DPYD: variants seen among roughly 807,000 people sequenced by gnomAD.
DPYD encodes dihydropyrimidine dehydrogenase [NADP(+)].
DPYD carries 109 observed loss-of-function variants against 116.2 expected under a neutral mutation model. That is an observed-to-expected ratio of 0.94 (90% CI 0.80 to 1.10). The LOEUF is 1.10. DPYD is among the 50% of genes least tolerant of loss of function. DPYD has a pLI of 0.00. For missense variants in DPYD, 1,302 were observed against 1,254.5 expected (o/e 1.04, Z -0.57); for synonymous variants, 440 against 432.0 (o/e 1.02, Z -0.23).
chr1:97,518,499 T>C (rs527265587), intron 12 of DPYD, among the ~76,000 whole-genome samples: 1 of 152,244 alleles, frequency 6.6e-6, no homozygotes, highest in Non-Finnish European at 1.5e-5. Flanking sequence ...GCATATCTAC[T>C]TTCAGCTCCC....
chr1:97,127,818 C>T (rs1035248688), intron 20 of DPYD, among the ~76,000 whole-genome samples: 6 of 152,044 alleles, frequency 3.9e-5, no homozygotes, highest in South Asian at 2.1e-4. Context: ...TTTTGAAACA[C>T]CAACTCATGG....
chr1:97,509,920 C>T (rs1004997296), intron 13 of DPYD, among the ~76,000 whole-genome samples: 2 of 151,766 alleles, frequency 1.3e-5, no homozygotes, highest in Non-Finnish European at 2.9e-5. Flanking sequence ...TCAATTTAGT[C>T]CTTAATAGAT....
intron 18 of DPYD, among the ~76,000 whole-genome samples, chr1:97,239,397 C>A (rs1343332171): frequency 1.3e-5 from 2 of 151,960 alleles, no homozygotes; most frequent in Admixed American, 1.3e-4. Context: ...TGTATTATGA[C>A]AATCAGGTTC....
intron 20 of DPYD, among the ~76,000 whole-genome samples, chr1:97,106,712 G>C (rs780329518): frequency 1.3e-5 from 2 of 152,116 alleles, no homozygotes; most frequent in African/African-American, 4.8e-5. Flanking sequence ...TCAGAGTCAG[G>C]CTGAATTACA....
rs186849155 is a variant in DPYD at position 97,438,165 on chromosome 1, G to A, written c.1905+11894C>T. On this transcript the variant is annotated intron_variant, in intron 14 of 22. Coordinates refer to ENST00000370192, the MANE Select transcript of DPYD (RefSeq NM_000110.4). The stretch of plus-strand genomic sequence containing the variant: ...CATAGCTCGGTATCAGAAAGTTTTA[G>A]ACTTCCAACTTTGTTCTTTATCAAT... 5.0e-3 allele frequency among the ~76,000 whole-genome samples: 755 copies of A among 152,072 alleles called. 13 individuals carry two copies. The highest frequency in any genetic ancestry group is 0.029 in the Admixed American group (440 of 15,290).
intron 20 of DPYD, among the ~76,000 whole-genome samples, chr1:97,152,861 T>C (rs1390894463): frequency 1.3e-5 from 2 of 152,240 alleles, no homozygotes; most frequent in East Asian, 3.9e-4. Flanking sequence ...GAATTTTAAA[T>C]ATAACTTGTC....
intron 1 of DPYD, among the ~76,000 whole-genome samples, chr1:97,915,752 G>T (rs1490933744): frequency 6.6e-6 from 1 of 152,086 alleles, no homozygotes; most frequent in Non-Finnish European, 1.5e-5. Flanking sequence ...AGGACTGAAG[G>T]GCTCTGCAAC....
intron 1 of DPYD, among the ~76,000 whole-genome samples, chr1:97,902,392 A>G (rs1400802710): frequency 1.3e-5 from 2 of 151,940 alleles, no homozygotes; most frequent in East Asian, 3.9e-4. Context: ...GTAGCATAAG[A>G]GCAAGAATTA....
At chr1:97,840,267 T>C (rs771559706) in intron 2 of DPYD, among the ~76,000 whole-genome samples, 1 of 152,004 alleles carries the variant, frequency 6.6e-6, no homozygotes, top group East Asian at 1.9e-4. Flanking sequence ...CAGAACACCC[T>C]CTCCCTTAAT....
At chr1:97,435,955 T>A (rs765569460) in intron 14 of DPYD, among the ~76,000 whole-genome samples, 3 of 152,022 alleles carry the variant, frequency 2.0e-5, no homozygotes, top group African/African-American at 2.4e-5. Flanking sequence ...TTGTAGCATA[T>A]TCTGCTAAAT....
At chr1:97,404,608 C>T (rs1673548176) in intron 14 of DPYD, among the ~76,000 whole-genome samples, 1 of 152,032 alleles carries the variant, frequency 6.6e-6, no homozygotes, top group African/African-American at 2.4e-5. Flanking sequence ...TATGGCTACT[C>T]CTGCTATCTT....
At chr1:97,194,578 C>T (rs1314704157) in intron 19 of DPYD, among the ~76,000 whole-genome samples, 1 of 152,062 alleles carries the variant, frequency 6.6e-6, no homozygotes, top group Admixed American at 6.6e-5. Flanking sequence ...GATCTCGGCT[C>T]ACTGTGACCT....
chr1:97,092,057 C>T lies in DPYD; in HGVS notation c.2766+6432G>A, dbSNP rs72724369. On this transcript the variant is annotated intron_variant, in intron 21 of 22. Coordinates refer to ENST00000370192, the MANE Select transcript of DPYD (RefSeq NM_000110.4). ...CTTTTTTAGGTGTTTGCCCATATGCCATTAAACAGGCAGGTGTTCCCTGGC... is the reference window on the plus strand; with the variant it reads ...CTTTTTTAGGTGTTTGCCCATATGCTATTAAACAGGCAGGTGTTCCCTGGC... Among the ~76,000 whole-genome samples the T allele has an allele frequency of 9.2e-3, 1,395 of 152,244 alleles. 12 individuals carry two copies. Among genetic ancestry groups the T allele is most frequent in the Middle Eastern group, 0.041 (12 of 294 alleles).
intron 3 of DPYD, among the ~76,000 whole-genome samples, chr1:97,804,619 C>A: frequency 6.6e-6 from 1 of 151,754 alleles, no homozygotes; most frequent in East Asian, 1.9e-4. Flanking sequence ...CCAAGTATAG[C>A]ATACTCAATG....
At chr1:97,920,332 G>A (rs1674445097) in intron 1 of DPYD, among the ~76,000 whole-genome samples, 1 of 152,062 alleles carries the variant, frequency 6.6e-6, no homozygotes, top group Admixed American at 6.5e-5. Flanking sequence ...TTCATGTTCT[G>A]AATACTTCGT....
chr1:97,092,156 T>C (rs940787005), intron 21 of DPYD, among the ~76,000 whole-genome samples: 14 of 152,206 alleles, frequency 9.2e-5, no homozygotes, highest in African/African-American at 3.4e-4. Flanking sequence ...ATCTGACATA[T>C]TATGTATTCA....
At chr1:97,515,699 T>C (rs1421318815) in intron 13 of DPYD, 27 bp downstream of exon 13, 1 of 1,593,522 alleles carries the variant, frequency 6.3e-7, no homozygotes, top group South Asian at 1.1e-5. Flanking sequence ...TAGACATTTC[T>C]ATATGACTTC....
At chr1:97,240,811 GCTTTAC>G (rs201319038) in intron 18 of DPYD, among the ~76,000 whole-genome samples, 1,918 of 134,262 alleles carry the variant, frequency 0.014, 99 homozygotes, top group Admixed American at 0.11. Flanking sequence ...ACAAATTTAT[GCTTTAC>G]TAAAATTAAG....
At chr1:97,194,419 C>T (rs769559293) in intron 19 of DPYD, among the ~76,000 whole-genome samples, 22 of 152,198 alleles carry the variant, frequency 1.4e-4, no homozygotes, top group Non-Finnish European at 2.1e-4. Context: ...GTAAGTTTCC[C>T]GAGGCCTCCC....
Sources: allele counts gnomAD v4.1 joint callset (sites outside exome capture counted in the v4.1 genomes callset), GRCh38; gene constraint gnomAD v4.1.1; transcripts MANE v1.5; gene names NCBI Gene and HGNC (gene_info 2026-07-23, HGNC 2026-07-21).